The following PPIP5K2 variants were observed in gnomAD, a reference collection of about 807,000 sequenced individuals.
The protein encoded by PPIP5K2 is diphosphoinositol pentakisphosphate kinase 2.
Under a neutral mutation model 154.6 loss-of-function variants are expected in PPIP5K2, and 105 were observed. That is an observed-to-expected ratio of 0.68 (90% CI 0.58 to 0.80). The LOEUF (loss-of-function observed/expected upper bound fraction) is 0.80, where lower values mean the gene tolerates loss of function less well. PPIP5K2 is among the 30% of genes least tolerant of loss of function. PPIP5K2 has a pLI of 0.00. For synonymous variants in PPIP5K2, 480 were observed against 490.3 expected, an observed-to-expected ratio of 0.98 and a Z score of 0.28; for missense variants, 992 against 1,504.6, an observed-to-expected ratio of 0.66 and a Z score of 5.64.
At chr5:103,142,044 C>T (rs561472628) in intron 5 of PPIP5K2, among the ~76,000 whole-genome samples, 283 of 152,342 alleles carry the variant, frequency 1.9e-3, no homozygotes, top group African/African-American at 6.5e-3. Context: ...CACTCCTCAG[C>T]CCTTGGGTGG....
chr5:103,124,360 T>C (rs1360469442), intron 1 of PPIP5K2, among the ~76,000 whole-genome samples: 1 of 152,176 alleles, frequency 6.6e-6, no homozygotes, highest in Admixed American at 6.5e-5. Flanking sequence ...TTATTTTATA[T>C]TTTTAGTTTT....
chr5:103,185,564 A>C (rs1225096084), intron 26 of PPIP5K2, among the ~76,000 whole-genome samples: 1 of 151,996 alleles, frequency 6.6e-6, no homozygotes. Context: ...CTTCTTATTG[A>C]TGTATCATAG....
intron 19 of PPIP5K2, 24 bp downstream of exon 19, chr5:103,168,319 T>C: frequency 2.6e-6 from 4 of 1,511,024 alleles, no homozygotes; most frequent in Non-Finnish European, 3.6e-6. Flanking sequence ...AAGAATCAAT[T>C]TCTTATAATA....
chr5:103,133,032 T>TA (rs1554203113), intron 2 of PPIP5K2, among the ~76,000 whole-genome samples: 1 of 152,234 alleles, frequency 6.6e-6, no homozygotes, highest in South Asian at 2.1e-4. Flanking sequence ...AATAGTTTAA[T>TA]ACTTATAGCT....
rs71620680 is a variant in PPIP5K2 at position 103,137,163 on chromosome 5, A to ATTTTT, written c.401+354_401+358dup. ...TTAGGACTTTACTCATTATAACTAGATTTTTTTTTTTTTTTTTGAGATGGA... is the reference window on the plus strand; with the variant it reads ...TTAGGACTTTACTCATTATAACTAGATTTTTTTTTTTTTTTTTTTTTTGAGATGGA... On this transcript the variant is annotated intron_variant, in intron 4 of 30. Transcript: ENST00000358359. 3.9e-4 allele frequency among the ~76,000 whole-genome samples: 54 copies of ATTTTT among 139,898 alleles called. 1 individual carries two copies. Among genetic ancestry groups the ATTTTT allele is most frequent in the East Asian group, 1.7e-3 (8 of 4,812 alleles). The allele number at this position is 139,898 out of a possible 152,430, so 91.8% of individuals were successfully genotyped here. A position where few individuals can be genotyped will look rare whatever the true frequency, so the allele number is the denominator to read the frequency against.
intron 5 of PPIP5K2, among the ~76,000 whole-genome samples, chr5:103,140,587 C>T (rs768795024): frequency 2.0e-5 from 3 of 152,172 alleles, no homozygotes; most frequent in Admixed American, 1.3e-4. Flanking sequence ...CGGTGGCTCA[C>T]GCCTGTAATC....
chr5:103,167,870 T>C (rs1184164821), intron 18 of PPIP5K2, among the ~76,000 whole-genome samples: 1 of 151,908 alleles, frequency 6.6e-6, no homozygotes, highest in Non-Finnish European at 1.5e-5. Flanking sequence ...GTCTATAATA[T>C]ATGGAAAAAG....
rs567614057 is a variant in PPIP5K2, at chr5:103,207,280, C to T, written c.*5646C>T. The T allele has an allele frequency of 2.0e-5, 3 of 152,184 alleles. No homozygotes were observed. Among genetic ancestry groups the T allele is most frequent in the Admixed American group, 6.5e-5 (1 of 15,274 alleles). 9.4% of individuals were successfully genotyped at this position (152,184 alleles called of 1,614,324 possible). On this transcript the variant is annotated 3_prime_UTR_variant, in exon 31 of 31. Coordinates refer to ENST00000358359, the MANE Select transcript of PPIP5K2 (RefSeq NM_001276277.3). ...TCCTCACCCTAAATGCCAGCAGCATCGCCTCCAAACTGTGGCAGTCAAAAA... is the reference window on the plus strand; with the variant it reads ...TCCTCACCCTAAATGCCAGCAGCATTGCCTCCAAACTGTGGCAGTCAAAAA...
chr5:103,176,192 C>T (rs1164921589), intron 21 of PPIP5K2, among the ~76,000 whole-genome samples: 1 of 151,952 alleles, frequency 6.6e-6, no homozygotes, highest in African/African-American at 2.4e-5. Context: ...GAAGTTACTA[C>T]TAAATATTAC....
intron 1 of PPIP5K2, among the ~76,000 whole-genome samples, chr5:103,125,794 G>A (rs1377147008): frequency 2.6e-5 from 4 of 151,984 alleles, no homozygotes; most frequent in East Asian, 3.9e-4. Context: ...CCACCATGCC[G>A]GGCTAATTTT....
intron 24 of PPIP5K2, 151 bp downstream of exon 24, chr5:103,180,339 A>T: frequency 7.3e-6 from 4 of 547,144 alleles, no homozygotes; most frequent in Non-Finnish European, 1.1e-5. Flanking sequence ...ATTACAAAAA[A>T]TATAGAGGCA....
rs1803510643 is a variant in PPIP5K2, at chr5:103,206,322, C to T, written c.*4688C>T. On this transcript the variant is annotated 3_prime_UTR_variant, in exon 31 of 31. Transcript: ENST00000358359. Reference sequence around the variant, plus strand: ...TTGCTGTCGGTTTCAGTGAGGACTACATATTTTTTTTGTTCATGTCCAACA... The same window carrying T: ...TTGCTGTCGGTTTCAGTGAGGACTATATATTTTTTTTGTTCATGTCCAACA... 6.6e-6 allele frequency: 1 copy of T among 152,154 alleles called. No individual in the cohort carries two copies. The highest frequency in any genetic ancestry group is 2.1e-4 in the South Asian group (1 of 4,830). The allele number at this position is 152,154 out of a possible 1,614,324, so 9.4% of individuals were successfully genotyped here. A position where few individuals can be genotyped will look rare whatever the true frequency, so the allele number is the denominator to read the frequency against.
rs76379233 is a variant in PPIP5K2, at chr5:103,139,034, C to T, written c.487+565C>T. ...TTGAGTATGTGAAGATTTTGGTATA[C>T]GAGGGGGTTCCTGGAACCAGTCACC... On this transcript the variant is annotated intron_variant, in intron 5 of 30. Transcript: ENST00000358359. Among the ~76,000 whole-genome samples, 590 of 152,238 alleles carry T rather than the reference C, an allele frequency of 3.9e-3. 2 individuals carry two copies. The highest frequency in any genetic ancestry group is 0.013 in the African/African-American group (555 of 41,530).
At chr5:103,181,299 G>T (rs1554222784) in intron 24 of PPIP5K2, among the ~76,000 whole-genome samples, 1 of 151,940 alleles carries the variant, frequency 6.6e-6, no homozygotes, top group Non-Finnish European at 1.5e-5. Flanking sequence ...CTGGCGTGGT[G>T]GCTCATGCCT....
At position 103,205,094 on chromosome 5, in the gene PPIP5K2, G is replaced by A. The variant is rs1334589634; in HGVS notation, c.*3460G>A. 6.6e-6 allele frequency: 1 copy of A among 152,080 alleles called. No individual in the cohort carries two copies. Among genetic ancestry groups the A allele is most frequent in the African/African-American group, 2.4e-5 (1 of 41,354 alleles). 9.4% of individuals were successfully genotyped at this position (152,080 alleles called of 1,614,324 possible). A position where few individuals can be genotyped will look rare whatever the true frequency, so the allele number is the denominator to read the frequency against. ...CATTGTTCAGTTCCCTCTTATGAGT[G>A]AGAACATGCGGTGTTTGGTTTTCTG... is the stretch of plus-strand genomic sequence containing the variant. On this transcript the variant is annotated 3_prime_UTR_variant, in exon 31 of 31. Transcript: ENST00000358359.
intron 17 of PPIP5K2, 109 bp downstream of exon 17, chr5:103,159,437 T>C: frequency 1.1e-6 from 1 of 920,608 alleles, no homozygotes; most frequent in Non-Finnish European, 1.5e-6. Context: ...CAAATACACA[T>C]GTTATCATCC....
chr5:103,187,025 A>C (rs1800492108), intron 27 of PPIP5K2, among the ~76,000 whole-genome samples: 1 of 152,124 alleles, frequency 6.6e-6, no homozygotes, highest in African/African-American at 2.4e-5. Flanking sequence ...TTTATTTAAA[A>C]CATTTTCTTA....
At position 103,180,205 on chromosome 5, in the gene PPIP5K2, G is replaced by C; in HGVS notation, c.2922+17G>C. The C allele has an allele frequency of 6.5e-7, 1 of 1,535,502 alleles. No homozygotes were observed. The highest frequency in any genetic ancestry group is 1.7e-4 in the Middle Eastern group (1 of 5,724). On this transcript the variant is annotated intron_variant, in intron 24 of 30. Transcript: ENST00000358359. ...ACAAATGATGTAAGTATATGTATCAGAACACATTTTTCATACAGTAAACTA... is the reference window on the plus strand; with the variant it reads ...ACAAATGATGTAAGTATATGTATCACAACACATTTTTCATACAGTAAACTA...
At position 103,120,459 on chromosome 5, in the gene PPIP5K2, C is replaced by G; in HGVS notation, c.-314C>G. The G allele has an allele frequency of 2.2e-6, 1 of 456,790 alleles. No individual in the cohort carries two copies. The highest frequency in any genetic ancestry group is 1.5e-5 in the South Asian group (1 of 64,568). The allele number at this position is 456,790 out of a possible 1,614,324, so 28.3% of individuals were successfully genotyped here. A position where few individuals can be genotyped will look rare whatever the true frequency, so the allele number is the denominator to read the frequency against. ...CTGAATGGGCTTGACCATCTCACAA[C>G]TGCTCGCGTGACGACCGCATTCGTG... On this transcript the variant is annotated 5_prime_UTR_variant, in exon 1 of 31. Transcript: ENST00000358359.
Sources: allele counts gnomAD v4.1 joint callset (sites outside exome capture counted in the v4.1 genomes callset), GRCh38; gene constraint gnomAD v4.1.1; transcripts MANE v1.5; gene names NCBI Gene and HGNC (gene_info 2026-07-23, HGNC 2026-07-21).